The following PRKX variants were observed in gnomAD, a reference collection of about 807,000 sequenced individuals.
The protein encoded by PRKX is protein kinase cAMP-dependent X-linked catalytic subunit.
A neutral mutation model predicts 22.0 loss-of-function variants in PRKX; 12 were observed. The ratio of observed to expected loss-of-function variants is 0.54; its 90% CI spans 0.35 to 0.88. The LOEUF (loss-of-function observed/expected upper bound fraction) is 0.88, where lower values mean the gene tolerates loss of function less well. Among genes scored for constraint, PRKX ranks in the 40% least tolerant of loss-of-function variants. The pLI is 0.01. For missense variants in PRKX, 217 were observed against 308.0 expected, an observed-to-expected ratio of 0.70 and a Z score of 2.21; for synonymous variants, 134 against 137.7, an observed-to-expected ratio of 0.97 and a Z score of 0.19.
At chrX:3,622,216 G>A (rs1207850540) in intron 5 of PRKX, among the ~76,000 whole-genome samples, 1 of 110,748 alleles carries the variant, frequency 9.0e-6, no homozygotes, top group African/African-American at 3.3e-5. Flanking sequence ...ATGGGTAGTT[G>A]GAGATGATGT....
intron 1 of PRKX, among the ~76,000 whole-genome samples, chrX:3,677,587 T>C (rs921240186): frequency 5.4e-5 from 6 of 111,383 alleles, no homozygotes; most frequent in African/African-American, 2.0e-4. Context: ...GAGTCTGGAA[T>C]GCCATTGATT....
At position 3,609,776 on chromosome X, in the gene PRKX, G is replaced by A. The variant is rs371136622; in HGVS notation, c.*24-831C>T. On this transcript the variant is annotated intron_variant, in intron 8 of 8. Coordinates refer to ENST00000262848, the MANE Select transcript of PRKX (RefSeq NM_005044.5). ...CAGCCTGAAGAATGTTCTATCATACGCTTATCCATAAATAGATAAATGTAT... is the reference window on the plus strand; with the variant it reads ...CAGCCTGAAGAATGTTCTATCATACACTTATCCATAAATAGATAAATGTAT... Among the ~76,000 whole-genome samples the A allele has an allele frequency of 6.3e-5, 7 of 111,829 alleles. No individual in the cohort carries two copies. In the East Asian group the frequency reaches 1.4e-3, roughly 22 times the overall value.
intron 1 of PRKX, among the ~76,000 whole-genome samples, chrX:3,692,988 A>C (rs1260802768): frequency 1.8e-5 from 2 of 110,650 alleles, no homozygotes; most frequent in Non-Finnish European, 3.8e-5. Context: ...AGCTTTTGGG[A>C]AAAAAAAGGA....
chrX:3,688,860 C>T (rs1372010391), intron 1 of PRKX, among the ~76,000 whole-genome samples: 9 of 103,812 alleles, frequency 8.7e-5, no homozygotes, highest in African/African-American at 2.9e-4. Flanking sequence ...AAGAGCGGGA[C>T]CCCCATCTGT....
At chrX:3,650,476 G>A (rs769472890) in intron 3 of PRKX, among the ~76,000 whole-genome samples, 90 of 79,187 alleles carry the variant, frequency 1.1e-3, no homozygotes, top group African/African-American at 4.3e-3. Context: ...AGCCGAGATC[G>A]CACCACTGCA....
At position 3,682,784 on chromosome X, in the gene PRKX, T is replaced by C. The variant is rs765273147; in HGVS notation, c.167-8018A>G. ...GATACAACTGTAGTGGACTGAACTATGGTCTCCCAGAAAGATATGTCCATG... is the reference window on the plus strand; with the variant it reads ...GATACAACTGTAGTGGACTGAACTACGGTCTCCCAGAAAGATATGTCCATG... On this transcript the variant is annotated intron_variant, in intron 1 of 8. Coordinates refer to ENST00000262848, the MANE Select transcript of PRKX (RefSeq NM_005044.5). Among the ~76,000 whole-genome samples, 260 of 107,397 alleles carry C rather than the reference T, an allele frequency of 2.4e-3. 1 individual carries two copies. The highest frequency in any genetic ancestry group is 8.6e-3 in the African/African-American group (253 of 29,398). 93.3% of individuals were successfully genotyped at this position (107,397 alleles called of 115,157 possible). A position where few individuals can be genotyped will look rare whatever the true frequency, so the allele number is the denominator to read the frequency against.
intron 2 of PRKX, among the ~76,000 whole-genome samples, chrX:3,657,740 C>T (rs1468114514): frequency 9.0e-6 from 1 of 111,427 alleles, no homozygotes; most frequent in Non-Finnish European, 1.9e-5. Context: ...CTTGTGGGAG[C>T]TTGCCTGAGG....
Position 3,616,233 on chromosome X carries a change from T to C in PRKX, c.874-341A>G, listed in dbSNP as rs183963604. Among the ~76,000 whole-genome samples the C allele has an allele frequency of 2.0e-3, 227 of 111,591 alleles. 1 individual carries two copies. The highest frequency in any genetic ancestry group is 2.8e-3 in the Non-Finnish European group (150 of 53,232). On this transcript the variant is annotated intron_variant, in intron 6 of 8. Coordinates refer to ENST00000262848, the MANE Select transcript of PRKX (RefSeq NM_005044.5). ...TTTCTCAGTTTGTCTCCTGTTTTCA[T>C]CTTGGCAAACTTACTCAGTATTTTA...
chrX:3,685,130 G>T (rs1432627186), intron 1 of PRKX, among the ~76,000 whole-genome samples: 1 of 111,288 alleles, frequency 9.0e-6, no homozygotes, highest in Non-Finnish European at 1.9e-5. Flanking sequence ...AATAATTCTT[G>T]CATACACACT....
At chrX:3,634,199 G>A (rs1371346659) in intron 4 of PRKX, among the ~76,000 whole-genome samples, 5 of 110,792 alleles carry the variant, frequency 4.5e-5, no homozygotes, top group African/African-American at 9.9e-5. Flanking sequence ...GCAGTGAGCC[G>A]AGATCGCGCC....
chrX:3,620,115 G>A (rs188817861), intron 6 of PRKX, among the ~76,000 whole-genome samples: 51 of 111,545 alleles, frequency 4.6e-4, no homozygotes, highest in Non-Finnish European at 2.6e-4. Context: ...CATCACCTGC[G>A]CACACAAAAC....
At chrX:3,705,420 C>T (rs1411343049) in intron 1 of PRKX, among the ~76,000 whole-genome samples, 2 of 110,861 alleles carry the variant, frequency 1.8e-5, no homozygotes, top group African/African-American at 6.6e-5. Flanking sequence ...GTGGGGGACA[C>T]AAATATGATG....
At chrX:3,665,248 A>C (rs1299315133) in intron 2 of PRKX, among the ~76,000 whole-genome samples, 4 of 111,501 alleles carry the variant, frequency 3.6e-5, no homozygotes, top group Non-Finnish European at 7.5e-5. Context: ...CCAGGCTGTG[A>C]AATAGTTACC....
At chrX:3,653,859 T>TTA (rs1264176453) in intron 3 of PRKX, among the ~76,000 whole-genome samples, 5 of 60,479 alleles carry the variant, frequency 8.3e-5, no homozygotes, top group African/African-American at 2.4e-4. Context: ...GATATATATA[T>TTA]TATATATTAT....
At chrX:3,639,458 G>T (rs1302542500) in intron 4 of PRKX, among the ~76,000 whole-genome samples, 21 of 46,179 alleles carry the variant, frequency 4.5e-4, no homozygotes, top group Non-Finnish European at 7.6e-4. Flanking sequence ...AAGGGGTGGG[G>T]GGGTGGATGG....
chrX:3,710,800 G>A (rs1418040476), intron 1 of PRKX, among the ~76,000 whole-genome samples: 2 of 111,523 alleles, frequency 1.8e-5, no homozygotes, highest in Non-Finnish European at 3.8e-5. Flanking sequence ...GAGAGAATTC[G>A]GAATGAGGGC....
At chrX:3,640,021 T>C (rs1282722306) in intron 4 of PRKX, among the ~76,000 whole-genome samples, 1 of 111,244 alleles carries the variant, frequency 9.0e-6, no homozygotes, top group Non-Finnish European at 1.9e-5. Context: ...CTTCCCTCCT[T>C]TGTTTCCAAC....
intron 3 of PRKX, among the ~76,000 whole-genome samples, chrX:3,648,568 G>A (rs1318388081): frequency 1.9e-5 from 2 of 105,803 alleles, no homozygotes; most frequent in Admixed American, 2.1e-4. Flanking sequence ...CTGGGTGATG[G>A]GGCCATAAGG....
intron 1 of PRKX, among the ~76,000 whole-genome samples, chrX:3,692,986 G>A (rs1394870828): frequency 9.1e-6 from 1 of 110,118 alleles, no homozygotes; most frequent in Non-Finnish European, 1.9e-5. Context: ...ATAGCTTTTG[G>A]GAAAAAAAAG....
Sources: gnomAD v4.1 joint callset for allele counts (sites outside exome capture counted in the v4.1 genomes callset) on GRCh38, gnomAD v4.1.1 for gene constraint, MANE v1.5 for transcripts, NCBI Gene and HGNC (gene_info 2026-07-23, HGNC 2026-07-21) for gene names.